Variants in MMADHC observed in about 807,000 individuals in gnomAD.
MMADHC encodes cobalamin trafficking protein CblD.
Under a neutral mutation model 36.3 loss-of-function variants are expected in MMADHC, and 23 were observed. The ratio of observed to expected loss-of-function variants is 0.63; its 90% CI spans 0.46 to 0.90. The LOEUF is 0.90. MMADHC is among the 40% of genes least tolerant of loss of function. The probability of loss-of-function intolerance (pLI) is 0.00; values close to 1 mark genes in which losing one functional copy is unlikely to be tolerated. For synonymous variants in MMADHC, 97 were observed against 116.1 expected, an observed-to-expected ratio of 0.84 and a Z score of 1.06; for missense variants, 330 against 348.0, an observed-to-expected ratio of 0.95 and a Z score of 0.41.
In MMADHC at chr2:149,582,549, A is replaced by G. The variant is rs528998878; in HGVS notation, c.10-278T>C. On this transcript the variant is annotated intron_variant, in intron 2 of 7. Transcript: ENST00000303319. ...GAGTGCCACACATGAGAGAATAGAC[A>G]TCTAAAAGTTGTCTTATTTAGACAC... 2.0e-5 allele frequency among the ~76,000 whole-genome samples: 3 copies of G among 152,354 alleles called. No homozygotes were observed. In the South Asian group the frequency reaches 6.2e-4, roughly 32 times the overall value.
intron 6 of MMADHC, among the ~76,000 whole-genome samples, chr2:149,571,463 G>A (rs1159116004): frequency 6.6e-6 from 1 of 152,096 alleles, no homozygotes; most frequent in Non-Finnish European, 1.5e-5. Context: ...ACTAACTTCT[G>A]AATCTGTCAT....
chr2:149,575,822 T>C lies in MMADHC; in HGVS notation c.498A>G (p.Pro166=). ...LLRKDFESLF[P]EVANGKLMIL... ...TCATTAGTTTGCCATTAGCTACTTCTGGAAACAGTGATTCAAAATCTACAA... is the reference window on the plus strand; with the variant it reads ...TCATTAGTTTGCCATTAGCTACTTCCGGAAACAGTGATTCAAAATCTACAA... The change falls in exon 6 of 8, where the codon CCA becomes CCG. Residue 166 remains proline (P), a synonymous_variant. Coordinates refer to ENST00000303319, the MANE Select transcript of MMADHC (RefSeq NM_015702.3). The C allele has an allele frequency of 6.2e-7, 1 of 1,602,818 alleles. No individual in the cohort carries two copies. The highest frequency in any genetic ancestry group is 8.5e-7 in the Non-Finnish European group (1 of 1,171,294).
In MMADHC at chr2:149,583,702, T is replaced by C. The variant is rs572619779; in HGVS notation, c.10-1431A>G. Among the ~76,000 whole-genome samples, 8 of 152,308 alleles carry C rather than the reference T, an allele frequency of 5.3e-5. No individual in the cohort carries two copies. The South Asian group carries it at 1.0e-3, about 20-fold the overall frequency. ...ATTATTCTATTTCCTTTTCACAAAG[T>C]ACAGTATTCTAATATCCAACCTATT... is the stretch of plus-strand genomic sequence containing the variant. On this transcript the variant is annotated intron_variant, in intron 2 of 7. Transcript: ENST00000303319.
chr2:149,577,169 A>G (rs1441233750), intron 4 of MMADHC, among the ~76,000 whole-genome samples: 1 of 152,236 alleles, frequency 6.6e-6, no homozygotes, highest in Non-Finnish European at 1.5e-5. Context: ...AAAGTCTTCC[A>G]GGGGCATAGA....
intron 4 of MMADHC, among the ~76,000 whole-genome samples, chr2:149,577,441 G>C (rs1029649523): frequency 6.6e-6 from 1 of 152,120 alleles, no homozygotes; most frequent in Non-Finnish European, 1.5e-5. Context: ...GAAAGGTAAG[G>C]GATCAAAATT....
At chr2:149,575,983 T>G in intron 5 of MMADHC, 142 bp from the exon 6 acceptor site, 1 of 682,588 alleles carries the variant, frequency 1.5e-6, no homozygotes, top group Non-Finnish European at 2.4e-6. Context: ...TATAAATGTA[T>G]GTTATTTTTG....
chr2:149,580,086 G>A (rs1322800534), intron 3 of MMADHC, among the ~76,000 whole-genome samples: 3 of 152,056 alleles, frequency 2.0e-5, no homozygotes, highest in Non-Finnish European at 2.9e-5. Context: ...TGGTGTGATC[G>A]CAGCTCACTG....
intron 4 of MMADHC, among the ~76,000 whole-genome samples, chr2:149,577,657 C>CA (rs1205684006): frequency 1.2e-4 from 18 of 144,320 alleles, no homozygotes; most frequent in East Asian, 2.0e-4. Flanking sequence ...AACTCTGTCT[C>CA]AAAAAAAAAG....
At chr2:149,572,237 G>A (rs1463822991) in intron 6 of MMADHC, 1 of 426,660 alleles carries the variant, frequency 2.3e-6, no homozygotes, top group East Asian at 8.5e-5. Flanking sequence ...TACTCGGGAG[G>A]CTGAAGCAGA....
At chr2:149,570,836 A>G (rs1215590187) in intron 7 of MMADHC, among the ~76,000 whole-genome samples, 4 of 152,186 alleles carry the variant, frequency 2.6e-5, no homozygotes, top group Admixed American at 6.5e-5. Flanking sequence ...CAAATATATA[A>G]TATCTACTAG....
At chr2:149,575,253 T>G (rs1162479454) in intron 6 of MMADHC, among the ~76,000 whole-genome samples, 1 of 152,154 alleles carries the variant, frequency 6.6e-6, no homozygotes, top group Non-Finnish European at 1.5e-5. Context: ...GGGTATACAT[T>G]ATTACACTAT....
intron 2 of MMADHC, among the ~76,000 whole-genome samples, chr2:149,586,705 G>A (rs911782593): frequency 6.6e-6 from 1 of 151,798 alleles, no homozygotes; most frequent in Non-Finnish European, 1.5e-5. Context: ...GATTTAGAAG[G>A]TCACTTCCAA....
chr2:149,586,699 TAGA>T (rs1682874725), intron 2 of MMADHC, among the ~76,000 whole-genome samples: 1 of 152,128 alleles, frequency 6.6e-6, no homozygotes, highest in Admixed American at 6.5e-5. Flanking sequence ...TTGTAGGATT[TAGA>T]AGGTCACTTC....
chr2:149,574,720 C>T (rs552113423), intron 6 of MMADHC, among the ~76,000 whole-genome samples: 26 of 152,300 alleles, frequency 1.7e-4, no homozygotes, highest in Admixed American at 1.2e-3. Flanking sequence ...TATTAGCATG[C>T]ATAAAAGTAT....
At chr2:149,580,394 C>T (rs533814083) in intron 3 of MMADHC, among the ~76,000 whole-genome samples, 2 of 152,208 alleles carry the variant, frequency 1.3e-5, no homozygotes, top group Admixed American at 6.5e-5. Context: ...TGACCTAATG[C>T]TCTGTTTACC....
At chr2:149,587,305 T>G in intron 1 of MMADHC, 156 bp from the exon 2 acceptor site, 2 of 613,760 alleles carry the variant, frequency 3.3e-6, no homozygotes, top group African/African-American at 1.8e-5. Context: ...CTCGCCCCCA[T>G]GCCAGGCACA....
At chr2:149,574,606 T>C (rs113916771) in intron 6 of MMADHC, among the ~76,000 whole-genome samples, 2,418 of 152,276 alleles carry the variant, frequency 0.016, 57 homozygotes, top group African/African-American at 0.054. Context: ...TGACAGCTTA[T>C]ATACTAGAAC....
intron 4 of MMADHC, 141 bp downstream of exon 4, chr2:149,579,290 C>T: frequency 2.7e-6 from 2 of 751,368 alleles, no homozygotes; most frequent in South Asian, 3.5e-5. Flanking sequence ...TTTTCCAAAG[C>T]TATATATGCT....
At chr2:149,570,379 A>G (rs1411235876) in intron 7 of MMADHC, among the ~76,000 whole-genome samples, 1 of 152,202 alleles carries the variant, frequency 6.6e-6, no homozygotes, top group African/African-American at 2.4e-5. Flanking sequence ...AGCAAATTAC[A>G]TGTTACCTAG....
Sources: gnomAD v4.1 joint callset for allele counts (sites outside exome capture counted in the v4.1 genomes callset) on GRCh38, gnomAD v4.1.1 for gene constraint, MANE v1.5 for transcripts, NCBI Gene and HGNC (gene_info 2026-07-23, HGNC 2026-07-21) for gene names.